FAM193A: variants seen among roughly 807,000 people sequenced by gnomAD.
FAM193A encodes protein FAM193A.
Under a neutral mutation model 126.5 loss-of-function variants are expected in FAM193A, and 22 were observed. The ratio of observed to expected loss-of-function variants is 0.17; its 90% CI spans 0.12 to 0.25. The LOEUF is 0.25. Ranked by LOEUF, FAM193A falls within the 10% of genes least tolerant of loss-of-function variation. The probability of loss-of-function intolerance (pLI) is 1.00; values close to 1 mark genes in which losing one functional copy is unlikely to be tolerated. For missense variants in FAM193A, 1,675 were observed against 1,672.8 expected, an observed-to-expected ratio of 1.00 and a Z score of -0.02; for synonymous variants, 761 against 646.8, an observed-to-expected ratio of 1.18 and a Z score of -2.68.
chr4:2,727,358 G>C (rs928986265), intron 20 of FAM193A, among the ~76,000 whole-genome samples: 55 of 152,246 alleles, frequency 3.6e-4, no homozygotes, highest in African/African-American at 1.3e-3. Context: ...GTTTTAGAGA[G>C]TGCTCTCAGT....
At chr4:2,565,276 T>TTTTTAAAAA (rs71178481) in intron 1 of FAM193A, among the ~76,000 whole-genome samples, 2 of 47,886 alleles carry the variant, frequency 4.2e-5, no homozygotes, top group African/African-American at 1.6e-4. Context: ...TTTTTTTTTT[T>TTTTTAAAAA]AAAAGATGCA....
chr4:2,688,893 G>A (rs908131659), intron 13 of FAM193A, among the ~76,000 whole-genome samples: 14 of 152,232 alleles, frequency 9.2e-5, no homozygotes, highest in African/African-American at 3.1e-4. Flanking sequence ...ATAAATGCAT[G>A]GATGTTGGCT....
chr4:2,647,271 G>A (rs1476182548), intron 7 of FAM193A, among the ~76,000 whole-genome samples: 4 of 151,908 alleles, frequency 2.6e-5, no homozygotes, highest in African/African-American at 7.3e-5. Flanking sequence ...TCAGCCTCCC[G>A]AGTAGCTGGG....
At chr4:2,613,332 C>T (rs886764837) in intron 2 of FAM193A, among the ~76,000 whole-genome samples, 46 of 147,558 alleles carry the variant, frequency 3.1e-4, no homozygotes, top group Admixed American at 3.1e-3. Flanking sequence ...TAAATATACT[C>T]TAAAAAGTTT....
intron 13 of FAM193A, among the ~76,000 whole-genome samples, chr4:2,674,451 A>G (rs1714171652): frequency 6.6e-6 from 1 of 152,212 alleles, no homozygotes. Flanking sequence ...GAGATAATCA[A>G]CAGCAGGATT....
At chr4:2,634,970 T>G (rs1280788993) in intron 5 of FAM193A, among the ~76,000 whole-genome samples, 3 of 152,214 alleles carry the variant, frequency 2.0e-5, no homozygotes, top group Non-Finnish European at 2.9e-5. Flanking sequence ...TTTCTTCCAC[T>G]TTCTCTTCCC....
intron 19 of FAM193A, among the ~76,000 whole-genome samples, chr4:2,702,080 G>A (rs902060086): frequency 1.1e-4 from 16 of 152,218 alleles, no homozygotes; most frequent in African/African-American, 3.9e-4. Context: ...CCCAAATGGT[G>A]AATTTTCTAA....
intron 1 of FAM193A, among the ~76,000 whole-genome samples, chr4:2,572,897 G>A (rs1739376181): frequency 6.6e-6 from 1 of 151,692 alleles, no homozygotes; most frequent in South Asian, 2.1e-4. Context: ...AGTGGCGATG[G>A]GGGTGAGAGA....
Position 2,546,159 on chromosome 4 carries a change from ATTT to A in FAM193A, c.255+9000_255+9002del, listed in dbSNP as rs35486569. 4.3e-4 allele frequency among the ~76,000 whole-genome samples: 64 copies of A among 147,630 alleles called. No individual in the cohort carries two copies. In the East Asian group the frequency reaches 0.011, roughly 26 times the overall value. ...CAAGACTCCGCCTCAAAAAAAAAAAATTTTTTTTTTTTTGTAAAGATGGGGTCC... is the reference window on the plus strand; with the variant it reads ...CAAGACTCCGCCTCAAAAAAAAAAAATTTTTTTTTTGTAAAGATGGGGTCC... On this transcript the variant is annotated intron_variant, in intron 1 of 20. Coordinates refer to ENST00000637812, the MANE Select transcript of FAM193A (RefSeq NM_001366318.2).
At chr4:2,721,312 CAAAAAAAAAAAAAA>C (rs56875674) in intron 20 of FAM193A, among the ~76,000 whole-genome samples, 1 of 70,012 alleles carries the variant, frequency 1.4e-5, no homozygotes. Flanking sequence ...GACTCCGTCT[CAAAAAAAAAAAAAA>C]AAAAAAAAAA....
intron 1 of FAM193A, among the ~76,000 whole-genome samples, chr4:2,550,808 T>G (rs200062194): frequency 9.3e-6 from 1 of 107,328 alleles, no homozygotes; most frequent in East Asian, 2.9e-4. Flanking sequence ...TATTTATTTA[T>G]TTATTTATTT....
intron 7 of FAM193A, 62 bp downstream of exon 7, chr4:2,646,894 G>T (rs1267368715): frequency 7.3e-6 from 11 of 1,508,386 alleles, no homozygotes; most frequent in Non-Finnish European, 8.9e-6. Context: ...GTTGAAGGCA[G>T]CACCAAGTCA....
At chr4:2,588,445 AG>A (rs1740354477) in intron 1 of FAM193A, among the ~76,000 whole-genome samples, 2 of 152,302 alleles carry the variant, frequency 1.3e-5, no homozygotes, top group South Asian at 4.1e-4. Flanking sequence ...CCACTGTTTT[AG>A]GTCACTGGCT....
chr4:2,660,271 A>G (rs1177152794), intron 10 of FAM193A, among the ~76,000 whole-genome samples: 1 of 152,132 alleles, frequency 6.6e-6, no homozygotes, highest in Non-Finnish European at 1.5e-5. Flanking sequence ...AAATTAATAA[A>G]GGCCAGTAAA....
chr4:2,631,015 G>A lies in FAM193A; in HGVS notation c.884G>A (p.Arg295His), dbSNP rs1363489133. ...GAGTATGTGCTGGAGATGAAGGTCC[G>A]CCTGCTCCGGCAGCTGTCGGCTGCG... ...AREYVLEMKV[R>H]LLRQLSAAAK... The change falls in exon 5 of 21, where the codon CGC (arginine) becomes CAC (histidine). Residue 295 changes from arginine to histidine, a missense_variant. Around this residue, in one of 4 missense-constraint regions of FAM193A, gnomAD observed 1,186 missense variants for 1,109.2 expected, o/e 1.07. Coordinates refer to ENST00000637812, the MANE Select transcript of FAM193A (RefSeq NM_001366318.2). 3.1e-6 allele frequency: 5 copies of A among 1,613,478 alleles called. No homozygotes were observed. Among genetic ancestry groups the A allele is most frequent in the African/African-American group, 1.3e-5 (1 of 74,918 alleles).
rs150034726 is a variant in FAM193A at position 2,591,726 on chromosome 4, C to G, written c.256-4358C>G. On this transcript the variant is annotated intron_variant, in intron 1 of 20. Coordinates refer to ENST00000637812, the MANE Select transcript of FAM193A (RefSeq NM_001366318.2). ...GGAATTTCATTTTGGAAACAAATTT[C>G]AAAACTAGAATATAAGCCTAGCAAG... Among the ~76,000 whole-genome samples the G allele has an allele frequency of 7.0e-3, 1,071 of 152,158 alleles. 10 individuals carry two copies. Among genetic ancestry groups the G allele is most frequent in the African/African-American group, 0.025 (1,026 of 41,494 alleles).
rs974697298 is a variant in FAM193A at position 2,693,703 on chromosome 4, C to T, written c.2921C>T (p.Pro974Leu). 1.9e-6 allele frequency: 3 copies of T among 1,614,144 alleles called. No individual in the cohort carries two copies. The highest frequency in any genetic ancestry group is 2.5e-6 in the Non-Finnish European group (3 of 1,179,990). The change falls in exon 16 of 21, where the codon CCT becomes CTT. Residue 974 changes from proline to leucine, a missense_variant. Pro to Leu is a moderately conservative substitution (Grantham distance 98). Around this residue, in one of 4 missense-constraint regions of FAM193A, gnomAD observed 1,186 missense variants for 1,109.2 expected, o/e 1.07. Transcript: ENST00000637812. ...LPALSPAALS[P>L]AALSPASTPH... is the part of the protein sequence containing the mutation. ...GCGCTCTCGCCTGCTGCGCTGTCACCTGCTGCGCTCTCACCTGCCTCCACA... is the reference window on the plus strand; with the variant it reads ...GCGCTCTCGCCTGCTGCGCTGTCACTTGCTGCGCTCTCACCTGCCTCCACA...
intron 1 of FAM193A, among the ~76,000 whole-genome samples, chr4:2,552,765 A>C (rs1399092882): frequency 4.9e-5 from 7 of 143,034 alleles, no homozygotes; most frequent in Admixed American, 2.1e-4. Flanking sequence ...TCTTGATCTC[A>C]TGACCTCGGG....
chr4:2,646,896 A>G, intron 7 of FAM193A, 64 bp downstream of exon 7: 2 of 1,503,622 alleles, frequency 1.3e-6, no homozygotes, highest in African/African-American at 1.4e-5. Flanking sequence ...TGAAGGCAGC[A>G]CCAAGTCACT....
Sources: allele counts gnomAD v4.1 joint callset (sites outside exome capture counted in the v4.1 genomes callset), GRCh38; gene constraint gnomAD v4.1.1; regional missense constraint gnomAD v4.1.1; transcripts MANE v1.5; gene names NCBI Gene and HGNC (gene_info 2026-07-23, HGNC 2026-07-21).